FBXL17: variants seen among roughly 807,000 people sequenced by gnomAD.
The protein encoded by FBXL17 is F-box and leucine rich repeat protein 17.
In FBXL17, 22 loss-of-function variants were observed where a neutral mutation model predicts 66.2. The ratio of observed to expected loss-of-function variants is 0.33; its 90% CI spans 0.24 to 0.47. FBXL17 has a LOEUF of 0.47. Ranked by LOEUF, FBXL17 falls within the 20% of genes least tolerant of loss-of-function variation. The probability of loss-of-function intolerance (pLI) is 1.00; values close to 1 mark genes in which losing one functional copy is unlikely to be tolerated. For synonymous variants in FBXL17, 474 were observed against 400.5 expected (o/e 1.18, Z -2.19); for missense variants, 878 against 948.2 (o/e 0.93, Z 0.97).
At chr5:107,985,387 G>A (rs1377818827) in intron 7 of FBXL17, among the ~76,000 whole-genome samples, 1 of 152,200 alleles carries the variant, frequency 6.6e-6, no homozygotes, top group Admixed American at 6.5e-5. Flanking sequence ...TGTCTCAAGA[G>A]GAAGCTAAAA....
At chr5:108,107,096 G>C in intron 6 of FBXL17, among the ~76,000 whole-genome samples, 1 of 152,040 alleles carries the variant, frequency 6.6e-6, no homozygotes, top group Admixed American at 6.5e-5. Flanking sequence ...TTTTGAGACA[G>C]AGTCTCACTC....
intron 6 of FBXL17, among the ~76,000 whole-genome samples, chr5:108,119,782 C>A (rs1367807780): frequency 6.6e-6 from 1 of 152,158 alleles, no homozygotes; most frequent in Admixed American, 6.5e-5. Context: ...AATAGCAATT[C>A]CTGATCATTT....
At chr5:107,937,454 T>C (rs564424842) in intron 7 of FBXL17, among the ~76,000 whole-genome samples, 13 of 152,252 alleles carry the variant, frequency 8.5e-5, no homozygotes, top group African/African-American at 3.1e-4. Context: ...TGTTGTAGGT[T>C]GTCATGGGAG....
intron 6 of FBXL17, among the ~76,000 whole-genome samples, chr5:108,161,410 C>T (rs1413674215): frequency 4.6e-5 from 7 of 152,118 alleles, no homozygotes; most frequent in African/African-American, 7.2e-5. Flanking sequence ...TGCTTGAACC[C>T]GGGAGGCGGA....
At chr5:108,259,960 T>C (rs1191745106) in intron 4 of FBXL17, among the ~76,000 whole-genome samples, 1 of 151,624 alleles carries the variant, frequency 6.6e-6, no homozygotes, top group African/African-American at 2.4e-5. Context: ...ACTACTGGCT[T>C]CCTCTACAAA....
intron 6 of FBXL17, among the ~76,000 whole-genome samples, chr5:108,055,280 G>GA (rs1000211060): frequency 0.037 from 869 of 23,690 alleles, 105 homozygotes; most frequent in Non-Finnish European, 0.042. Context: ...AGAATTTTTA[G>GA]AAAAAAAAAA....
intron 4 of FBXL17, among the ~76,000 whole-genome samples, chr5:108,241,092 A>G (rs942352769): frequency 1.3e-5 from 2 of 152,184 alleles, no homozygotes; most frequent in African/African-American, 2.4e-5. Context: ...CCAGACACCA[A>G]TGAACATTCA....
At chr5:108,148,513 C>G (rs1388335504) in intron 6 of FBXL17, among the ~76,000 whole-genome samples, 1 of 152,156 alleles carries the variant, frequency 6.6e-6, no homozygotes, top group Non-Finnish European at 1.5e-5. Flanking sequence ...AATAAACCCT[C>G]TAAGTTTTTA....
chr5:108,033,469 T>C (rs1474385840), intron 6 of FBXL17, among the ~76,000 whole-genome samples: 1 of 152,128 alleles, frequency 6.6e-6, no homozygotes, highest in East Asian at 1.9e-4. Flanking sequence ...AGAGTATTCC[T>C]AACACCACCG....
In FBXL17 at chr5:108,029,797, T is replaced by C. The variant is rs536213412; in HGVS notation, c.1746-8796A>G. ...GGTTATTTTTTTTTTAACCGAAGGA[T>C]AGAGAAAGTCTTCCACATTTCCTTT... On this transcript the variant is annotated intron_variant, in intron 6 of 8. Coordinates refer to ENST00000542267, the MANE Select transcript of FBXL17 (RefSeq NM_001163315.3). Among the ~76,000 whole-genome samples, 13 of 152,110 alleles carry C rather than the reference T, an allele frequency of 8.5e-5. 1 individual carries two copies. In the South Asian group the frequency reaches 2.3e-3, roughly 27 times the overall value.
At chr5:108,365,663 C>G (rs1402318820) in intron 2 of FBXL17, among the ~76,000 whole-genome samples, 1 of 152,036 alleles carries the variant, frequency 6.6e-6, no homozygotes, top group Non-Finnish European at 1.5e-5. Flanking sequence ...TATAATTGGT[C>G]AGTGAGAAGT....
At chr5:108,258,937 A>ATAAAAGC (rs1756695066) in intron 4 of FBXL17, among the ~76,000 whole-genome samples, 1 of 152,150 alleles carries the variant, frequency 6.6e-6, no homozygotes, top group African/African-American at 2.4e-5. Context: ...GCTAGACATA[A>ATAAAAGC]TAAAAGCTGT....
chr5:107,980,222 G>A (rs1339125414), intron 7 of FBXL17, among the ~76,000 whole-genome samples: 1 of 152,020 alleles, frequency 6.6e-6, no homozygotes, highest in Non-Finnish European at 1.5e-5. Context: ...CTAGAATGGT[G>A]AAAATCTTAT....
chr5:108,298,552 A>G (rs1202612344), intron 4 of FBXL17: 15 of 970,346 alleles, frequency 1.5e-5, no homozygotes, highest in Non-Finnish European at 1.7e-5. Flanking sequence ...GAAATCAACA[A>G]AAATTCAGTC....
intron 4 of FBXL17, among the ~76,000 whole-genome samples, chr5:108,291,964 T>C (rs1159322153): frequency 6.6e-6 from 1 of 152,124 alleles, no homozygotes; most frequent in Non-Finnish European, 1.5e-5. Context: ...TCCTGTACTA[T>C]TGCAGTAATT....
intron 4 of FBXL17, among the ~76,000 whole-genome samples, chr5:108,230,505 G>A (rs757153959): frequency 3.3e-5 from 5 of 152,154 alleles, no homozygotes; most frequent in Admixed American, 2.6e-4. Context: ...TCACTCATAA[G>A]TGGGAGCTAA....
chr5:108,013,014 CAAAA>C (rs57393639), intron 7 of FBXL17, among the ~76,000 whole-genome samples: 936 of 79,400 alleles, frequency 0.012, 1 homozygote, highest in Middle Eastern at 0.071. Context: ...AACTCCGTCT[CAAAA>C]AAAAAAAAAA....
chr5:107,924,857 A>G (rs1441823930), intron 7 of FBXL17, among the ~76,000 whole-genome samples: 1 of 152,244 alleles, frequency 6.6e-6, no homozygotes, highest in African/African-American at 2.4e-5. Flanking sequence ...TCAGCTGCAG[A>G]GGCAAACTAA....
intron 4 of FBXL17, among the ~76,000 whole-genome samples, chr5:108,238,578 A>G (rs1280982258): frequency 6.6e-6 from 1 of 152,188 alleles, no homozygotes; most frequent in Non-Finnish European, 1.5e-5. Context: ...TGGTGCAATC[A>G]CAGCTCACTG....
Sources: gnomAD v4.1 joint callset for allele counts (sites outside exome capture counted in the v4.1 genomes callset) on GRCh38, gnomAD v4.1.1 for gene constraint, MANE v1.5 for transcripts, NCBI Gene and HGNC (gene_info 2026-07-23, HGNC 2026-07-21) for gene names.